Variants in CDC42EP4 observed in about 807,000 individuals in gnomAD.
CDC42EP4 encodes CDC42 effector protein 4.
Under a neutral mutation model 5.6 loss-of-function variants are expected in CDC42EP4, and 6 were observed. The ratio of observed to expected loss-of-function variants is 1.07; its 90% CI spans 0.59 to 2.12. The LOEUF (loss-of-function observed/expected upper bound fraction) is 2.12, where lower values mean the gene tolerates loss of function less well. Among genes scored for constraint, CDC42EP4 ranks in the 30% most tolerant of loss-of-function variants. The probability of loss-of-function intolerance (pLI) is 0.00; values close to 1 mark genes in which losing one functional copy is unlikely to be tolerated. For missense variants in CDC42EP4, 490 were observed against 508.6 expected, an observed-to-expected ratio of 0.96 and a Z score of 0.35; for synonymous variants, 230 against 224.2, an observed-to-expected ratio of 1.03 and a Z score of -0.23.
intron 1 of CDC42EP4, among the ~76,000 whole-genome samples, chr17:73,296,573 T>C (rs1433933544): frequency 6.6e-6 from 1 of 152,138 alleles, no homozygotes; most frequent in Non-Finnish European, 1.5e-5. Flanking sequence ...ATGGACCAAA[T>C]GTTTACCAAA....
intron 1 of CDC42EP4, among the ~76,000 whole-genome samples, chr17:73,289,159 C>T (rs981926484): frequency 1.1e-4 from 17 of 152,160 alleles, no homozygotes; most frequent in Non-Finnish European, 4.4e-5. Flanking sequence ...GGCCTTGTGG[C>T]TGATAGGGTT....
chr17:73,290,131 G>GA (rs2062154794), intron 1 of CDC42EP4, among the ~76,000 whole-genome samples: 1 of 152,218 alleles, frequency 6.6e-6, no homozygotes, highest in African/African-American at 2.4e-5. Flanking sequence ...GAATCTCAAA[G>GA]AACTGGAGGG....
intron 1 of CDC42EP4, among the ~76,000 whole-genome samples, chr17:73,291,450 C>G (rs2062160906): frequency 6.6e-6 from 1 of 152,154 alleles, no homozygotes; most frequent in Non-Finnish European, 1.5e-5. Flanking sequence ...TCACTCTGAG[C>G]TTCTAACAGA....
rs542138845 is a variant in CDC42EP4 at position 73,295,156 on chromosome 17, A to G, written c.-112-8544T>C. On this transcript the variant is annotated intron_variant, in intron 1 of 1. Coordinates refer to ENST00000335793, the MANE Select transcript of CDC42EP4 (RefSeq NM_012121.5). ...ACTCCTTGGGGTGCTAAAATGCAGC[A>G]CCCACTGTGTCACATGACTCCCACT... Among the ~76,000 whole-genome samples, 13 of 152,198 alleles carry G rather than the reference A, an allele frequency of 8.5e-5. No homozygotes were observed. In the East Asian group the frequency reaches 2.5e-3, roughly 29 times the overall value.
At chr17:73,292,427 C>G (rs1218066175) in intron 1 of CDC42EP4, among the ~76,000 whole-genome samples, 1 of 151,988 alleles carries the variant, frequency 6.6e-6, no homozygotes, top group African/African-American at 2.4e-5. Context: ...TATTCACAAA[C>G]TCTTCTAGGC....
chr17:73,288,408 ATT>A (rs749501604), intron 1 of CDC42EP4, among the ~76,000 whole-genome samples: 5 of 137,514 alleles, frequency 3.6e-5, no homozygotes, highest in African/African-American at 8.0e-5. Context: ...ACGTCCAGCT[ATT>A]TTTTTTTTTT....
rs960659174 is a variant in CDC42EP4, at chr17:73,284,278, G to A, written c.*1152C>T. 2 of 151,966 alleles carry A rather than the reference G, an allele frequency of 1.3e-5. No homozygotes were observed. Among genetic ancestry groups the A allele is most frequent in the Admixed American group, 6.6e-5 (1 of 15,254 alleles). 9.4% of individuals were successfully genotyped at this position (151,966 alleles called of 1,614,324 possible). A position where few individuals can be genotyped will look rare whatever the true frequency, so the allele number is the denominator to read the frequency against. On this transcript the variant is annotated 3_prime_UTR_variant, in exon 2 of 2. Coordinates refer to ENST00000335793, the MANE Select transcript of CDC42EP4 (RefSeq NM_012121.5). Reference sequence around the variant, plus strand: ...AAGAAAGGGAAGTAGTCAGTACTGAGGGTATTGAGGGGAGGGAGGGAATAA... The same window carrying A: ...AAGAAAGGGAAGTAGTCAGTACTGAAGGTATTGAGGGGAGGGAGGGAATAA...
chr17:73,311,780 TCC>T (rs2062276563), intron 1 of CDC42EP4, 111 bp downstream of exon 1: 1 of 152,000 alleles, frequency 6.6e-6, no homozygotes. Flanking sequence ...CGGCCTCGCA[TCC>T]CCAGCTTCGA....
chr17:73,291,524 G>C (rs1057101379), intron 1 of CDC42EP4, among the ~76,000 whole-genome samples: 2 of 152,156 alleles, frequency 1.3e-5, no homozygotes, highest in African/African-American at 4.8e-5. Flanking sequence ...TGGGAGTCTC[G>C]CCAGAGGCCT....
chr17:73,307,010 G>C (rs2062247373), intron 1 of CDC42EP4: 1 of 152,296 alleles, frequency 6.6e-6, no homozygotes, highest in South Asian at 2.1e-4. Context: ...GGCTGAAGCA[G>C]CTCTGGCTGA....
At chr17:73,299,031 C>T (rs1356774971) in intron 1 of CDC42EP4, among the ~76,000 whole-genome samples, 1 of 151,896 alleles carries the variant, frequency 6.6e-6, no homozygotes, top group Non-Finnish European at 1.5e-5. Context: ...TCATGGCTCA[C>T]TGCAGCCTCA....
At chr17:73,297,848 G>A (rs895991266) in intron 1 of CDC42EP4, among the ~76,000 whole-genome samples, 16 of 151,714 alleles carry the variant, frequency 1.1e-4, no homozygotes, top group African/African-American at 3.6e-4. Context: ...CAGTAAAGAC[G>A]GGGTTTCCCC....
Position 73,286,577 on chromosome 17 carries a change from G to T in CDC42EP4, c.-77C>A. On this transcript the variant is annotated 5_prime_UTR_variant, in exon 2 of 2. It adds an upstream start codon to the 5' untranslated region. Transcript: ENST00000335793. The surrounding 1 kb of genome is among the most constrained non-coding windows in gnomAD (Gnocchi z 7.7). ...GGGTCAGATCTGAAGTCCAAGTCCAGTGGGCAGAGGGGGACGCAATGAGGA... is the reference window on the plus strand; with the variant it reads ...GGGTCAGATCTGAAGTCCAAGTCCATTGGGCAGAGGGGGACGCAATGAGGA... 1 of 1,056,638 alleles carries T rather than the reference G, an allele frequency of 9.5e-7. No homozygotes were observed. The highest frequency in any genetic ancestry group is 1.4e-6 in the Non-Finnish European group (1 of 740,332). The allele number at this position is 1,056,638 out of a possible 1,614,324, so 65.5% of individuals were successfully genotyped here.
intron 1 of CDC42EP4, among the ~76,000 whole-genome samples, chr17:73,299,010 T>C (rs1399286890): frequency 6.6e-6 from 1 of 151,696 alleles, no homozygotes. Flanking sequence ...GGCTGGAGTG[T>C]AGTGGTGCTA....
intron 1 of CDC42EP4, among the ~76,000 whole-genome samples, chr17:73,295,092 T>G (rs8071225): frequency 0.97 from 148,022 of 152,216 alleles, 72,124 homozygotes; most frequent in East Asian, 1. Context: ...GATTACAGGC[T>G]TGAGCCATTG....
chr17:73,294,468 G>T (rs574830616), intron 1 of CDC42EP4, among the ~76,000 whole-genome samples: 401 of 152,188 alleles, frequency 2.6e-3, no homozygotes, highest in African/African-American at 9.2e-3. Context: ...AAAATACCTG[G>T]GTGTGGAGGG....
chr17:73,297,001 A>AAACAAAAAAAAAAAAC (rs1555741520), intron 1 of CDC42EP4, among the ~76,000 whole-genome samples: 1 of 61,734 alleles, frequency 1.6e-5, no homozygotes, highest in African/African-American at 5.3e-5. Flanking sequence ...AAAAAAAAAA[A>AAACAAAAAAAAAAAAC]AAATACACAA....
intron 1 of CDC42EP4, among the ~76,000 whole-genome samples, chr17:73,294,125 TG>T (rs1323204286): frequency 6.6e-6 from 1 of 151,684 alleles, no homozygotes; most frequent in African/African-American, 2.4e-5. Flanking sequence ...CTGAGGCGGG[TG>T]GATCTCCTGA....
chr17:73,297,778 C>G (rs2062196281), intron 1 of CDC42EP4, among the ~76,000 whole-genome samples: 1 of 151,948 alleles, frequency 6.6e-6, no homozygotes, highest in Non-Finnish European at 1.5e-5. Flanking sequence ...CCTGCCTCAG[C>G]CTCCCAAGTA....
Sources: allele counts gnomAD v4.1 joint callset (sites outside exome capture counted in the v4.1 genomes callset), GRCh38; gene constraint gnomAD v4.1.1; non-coding constraint Gnocchi (gnomAD v3.1); transcripts MANE v1.5; gene names NCBI Gene and HGNC (gene_info 2026-07-23, HGNC 2026-07-21).